The following SCAF8 variants were observed in gnomAD, a reference collection of about 807,000 sequenced individuals.
The protein encoded by SCAF8 is SR-related CTD associated factor 8, also known as SR-related and CTD-associated factor 8.
Under a neutral mutation model 140.5 loss-of-function variants are expected in SCAF8, and 23 were observed. The observed-to-expected ratio is 0.16, with a 90% CI of 0.12 to 0.23. The LOEUF is 0.23. Among genes scored for constraint, SCAF8 ranks in the 10% least tolerant of loss-of-function variants. The pLI, the probability that SCAF8 is intolerant of heterozygous loss-of-function variation, is 1.00. For synonymous variants in SCAF8, 575 were observed against 528.9 expected (o/e 1.09, Z -1.20); for missense variants, 1,397 against 1,555.7 (o/e 0.90, Z 1.72).
Position 154,833,100 on chromosome 6 carries a change from A to G in SCAF8, c.3521A>G (p.Asn1174Ser). The change falls in exon 20 of 20, where the codon AAT (asparagine) becomes AGT (serine). Residue 1174 changes from asparagine (N) to serine (S), a missense_variant. Physicochemically the swap from Asn to Ser is conservative, Grantham distance 46. This residue lies in a region of SCAF8 where 930 missense variants were observed against 874.6 expected (regional missense o/e 1.06). Coordinates refer to ENST00000367178, the MANE Select transcript of SCAF8 (RefSeq NM_014892.5). ...DRDFDFCREM[N>S]GNRLGRDRIQ... is the part of the protein sequence containing the mutation. ...GATTTTGATTTCTGCAGAGAAATGA[A>G]TGGAAATCGTCTTGGACGAGACAGA... 4 of 1,614,172 alleles carry G rather than the reference A, an allele frequency of 2.5e-6. No homozygotes were observed. The South Asian group carries it at 3.3e-5, about 13-fold the overall frequency.
chr6:154,763,556 A>G (rs1776465983), intron 1 of SCAF8, among the ~76,000 whole-genome samples: 1 of 152,180 alleles, frequency 6.6e-6, no homozygotes, highest in African/African-American at 2.4e-5. Context: ...AGTAGAATTC[A>G]TTTCATATTG....
In SCAF8 at chr6:154,810,164, G is replaced by T; in HGVS notation, c.1376G>T (p.Arg459Leu). 2 of 1,611,028 alleles carry T rather than the reference G, an allele frequency of 1.2e-6. No homozygotes were observed. Among genetic ancestry groups the T allele is most frequent in the Non-Finnish European group, 1.7e-6 (2 of 1,179,122 alleles). Residue 459 changes from arginine (R) to leucine (L), a missense_variant, in exon 12 of 20, where the codon CGA becomes CTA. By Grantham distance (102) the Arg-to-Leu change is moderately radical (BLOSUM62 -2). This residue lies in a region of SCAF8 where 339 missense variants were observed against 407.5 expected (regional missense o/e 0.83). Transcript: ENST00000367178. ...ERRAREREKE[R>L]QKKGLPPIRS... is the part of the protein sequence containing the mutation. ...AGAGCCAGAGAAAGGGAGAAAGAAC[G>T]ACAGAAAAAGGGATTACCTCCAATT...
At chr6:154,809,891 T>C (rs1240711070) in intron 11 of SCAF8, 124 bp from the exon 12 acceptor site, 6 of 820,390 alleles carry the variant, frequency 7.3e-6, no homozygotes, top group African/African-American at 1.7e-5. Context: ...CTTCAGAATA[T>C]TTTAACATAT....
At chr6:154,738,709 T>G (rs1368915966) in intron 1 of SCAF8, among the ~76,000 whole-genome samples, 3 of 152,216 alleles carry the variant, frequency 2.0e-5, no homozygotes, top group African/African-American at 7.2e-5. Flanking sequence ...TTGTAATGAT[T>G]TAGCATTTCT....
At chr6:154,794,987 G>T (rs768825263) in intron 5 of SCAF8, 22 bp from the exon 6 acceptor site, 2 of 1,569,478 alleles carry the variant, frequency 1.3e-6, no homozygotes, top group Admixed American at 2.0e-5. Flanking sequence ...TTATTTGGGG[G>T]GTGTGATGTT....
chr6:154,792,891 C>T lies in SCAF8; in HGVS notation c.390C>T (p.Pro130=), dbSNP rs752113717. The T allele has an allele frequency of 6.2e-7, 1 of 1,613,574 alleles. No homozygotes were observed. ...NNVFKSEIIQ[P]LLDMAAGIPP... ...TATTTAAGAGTGAGATTATTCAGCC[C>T]CTTTTGGATATGGCAGCCGGGATTC... The change falls in exon 5 of 20, where the codon CCC becomes CCT. Residue 130 remains proline, a synonymous_variant. Transcript: ENST00000367178.
At chr6:154,794,598 T>C (rs908083489) in intron 5 of SCAF8, among the ~76,000 whole-genome samples, 3 of 152,152 alleles carry the variant, frequency 2.0e-5, no homozygotes, top group African/African-American at 4.8e-5. Context: ...ATCATAGGTA[T>C]ATGTGTACGT....
At chr6:154,788,606 T>C (rs1462518647) in intron 4 of SCAF8, among the ~76,000 whole-genome samples, 2 of 152,242 alleles carry the variant, frequency 1.3e-5, no homozygotes, top group African/African-American at 4.8e-5. Context: ...AATAAGCTTT[T>C]GGAATTACAT....
intron 1 of SCAF8, among the ~76,000 whole-genome samples, chr6:154,770,388 A>ACACACACT (rs1384942827): frequency 9.9e-5 from 14 of 141,908 alleles, no homozygotes; most frequent in Admixed American, 3.5e-4. Flanking sequence ...ACACACACAC[A>ACACACACT]CTCTCTCTCT....
chr6:154,820,386 G>A, intron 15 of SCAF8, 53 bp downstream of exon 15: 8 of 1,466,364 alleles, frequency 5.5e-6, no homozygotes, highest in Non-Finnish European at 7.5e-6. Flanking sequence ...TTAGAAGGTT[G>A]TAGCTGAAGT....
chr6:154,766,181 A>T (rs1416493393), intron 1 of SCAF8, among the ~76,000 whole-genome samples: 2 of 152,144 alleles, frequency 1.3e-5, no homozygotes, highest in East Asian at 3.8e-4. Context: ...CATGTTGAGT[A>T]GGCTGAGGAA....
At chr6:154,805,006 AAGG>A (rs1012043165) in intron 8 of SCAF8, among the ~76,000 whole-genome samples, 2 of 152,162 alleles carry the variant, frequency 1.3e-5, no homozygotes, top group South Asian at 4.1e-4. Context: ...ATAGTAAGAG[AAGG>A]AGTTAAAGTA....
chr6:154,741,825 C>A (rs980510637), intron 1 of SCAF8: 27 of 607,276 alleles, frequency 4.4e-5, no homozygotes, highest in Non-Finnish European at 8.1e-5. Context: ...TGGACAACTT[C>A]TAACTCATAA....
chr6:154,766,659 AC>A (rs1165228098), intron 1 of SCAF8, among the ~76,000 whole-genome samples: 5,864 of 70,708 alleles, frequency 0.083, 183 homozygotes, highest in South Asian at 0.12. Flanking sequence ...CTCCAGCAGC[AC>A]CCCCCCCCCT....
intron 3 of SCAF8, among the ~76,000 whole-genome samples, chr6:154,786,916 A>G (rs1191471884): frequency 1.3e-5 from 2 of 152,246 alleles, no homozygotes; most frequent in Admixed American, 6.5e-5. Flanking sequence ...TTATGTAGCA[A>G]AAATGCTAAT....
At chr6:154,796,659 G>T (rs1462078977) in intron 6 of SCAF8, among the ~76,000 whole-genome samples, 1 of 152,020 alleles carries the variant, frequency 6.6e-6, no homozygotes, top group Non-Finnish European at 1.5e-5. Flanking sequence ...CCTCTGGAAG[G>T]TTTGGGTGAA....
rs371693555 is a variant in SCAF8 at position 154,816,172 on chromosome 6, A to G, written c.1521+356A>G. Among the ~76,000 whole-genome samples, 4 of 152,202 alleles carry G rather than the reference A, an allele frequency of 2.6e-5. No individual in the cohort carries two copies. In the East Asian group the frequency reaches 7.7e-4, roughly 29 times the overall value. On this transcript the variant is annotated intron_variant, in intron 13 of 19. Coordinates refer to ENST00000367178, the MANE Select transcript of SCAF8 (RefSeq NM_014892.5). ...GAAATGGAGAGTTCCACAGAATTGT[A>G]GTCACTTGCACATGACCACAGAAGC... is the stretch of plus-strand genomic sequence containing the variant.
chr6:154,797,955 T>C (rs548727432), intron 6 of SCAF8, among the ~76,000 whole-genome samples: 1 of 151,542 alleles, frequency 6.6e-6, no homozygotes, highest in South Asian at 2.1e-4. Flanking sequence ...CCCTTCACTA[T>C]TCAAATCAAA....
At chr6:154,787,812 A>C (rs756158981) in intron 3 of SCAF8, 49 bp from the exon 4 acceptor site, 14 of 1,523,114 alleles carry the variant, frequency 9.2e-6, no homozygotes, top group Non-Finnish European at 1.2e-5. Flanking sequence ...TCTATCAAGA[A>C]TTTTACCTTT....
Sources: allele counts gnomAD v4.1 joint callset (sites outside exome capture counted in the v4.1 genomes callset), GRCh38; gene constraint gnomAD v4.1.1; regional missense constraint gnomAD v4.1.1; transcripts MANE v1.5; gene names NCBI Gene and HGNC (gene_info 2026-07-23, HGNC 2026-07-21).